IMMP2L: variants seen among roughly 807,000 people sequenced by gnomAD.
IMMP2L encodes the protein inner mitochondrial membrane peptidase subunit 2.
IMMP2L carries 18 observed loss-of-function variants against 19.3 expected under a neutral mutation model. The observed-to-expected ratio is 0.93, with a 90% confidence interval of 0.64 to 1.38. The LOEUF (loss-of-function observed/expected upper bound fraction) is 1.38. Among genes scored for constraint, IMMP2L ranks in the 40% most tolerant of loss-of-function variants. IMMP2L has a pLI of 0.00. For missense variants in IMMP2L, 233 were observed against 218.2 expected, an observed-to-expected ratio of 1.07 and a Z score of -0.43; for synonymous variants, 76 against 73.0, an observed-to-expected ratio of 1.04 and a Z score of -0.21.
intron 3 of IMMP2L, among the ~76,000 whole-genome samples, chr7:111,045,148 C>T (rs987428851): frequency 1.3e-4 from 20 of 152,152 alleles, no homozygotes; most frequent in Admixed American, 5.9e-4. Context: ...TAAGGTAAAA[C>T]AAAATTTGCG....
intron 5 of IMMP2L, among the ~76,000 whole-genome samples, chr7:110,734,076 G>C (rs1796456080): frequency 6.6e-6 from 1 of 152,172 alleles, no homozygotes; most frequent in Non-Finnish European, 1.5e-5. Context: ...ACCTAAAAAT[G>C]TGGAAGCAGC....
chr7:110,682,838 A>G (rs563220971), intron 5 of IMMP2L, among the ~76,000 whole-genome samples: 1 of 152,240 alleles, frequency 6.6e-6, no homozygotes, highest in African/African-American at 2.4e-5. Flanking sequence ...GGGAAAGAGA[A>G]GAAAGCAAGA....
intron 3 of IMMP2L, among the ~76,000 whole-genome samples, chr7:111,023,428 C>T (rs916989677): frequency 4.0e-5 from 6 of 151,786 alleles, no homozygotes; most frequent in East Asian, 3.9e-4. Flanking sequence ...GGGCTGGGAG[C>T]GGTGGCTCAT....
intron 3 of IMMP2L, among the ~76,000 whole-genome samples, chr7:111,177,261 G>T (rs1318053749): frequency 6.6e-6 from 1 of 151,932 alleles, no homozygotes; most frequent in Non-Finnish European, 1.5e-5. Flanking sequence ...TTCACTGCAG[G>T]CTTGACCTCC....
intron 3 of IMMP2L, among the ~76,000 whole-genome samples, chr7:111,285,119 C>T (rs1584453606): frequency 6.6e-6 from 1 of 151,850 alleles, no homozygotes; most frequent in Non-Finnish European, 1.5e-5. Flanking sequence ...AAAGGCCTTG[C>T]AAAGAGAGGA....
intron 3 of IMMP2L, among the ~76,000 whole-genome samples, chr7:111,048,254 A>AAAAAAAG (rs1792629327): frequency 8.3e-6 from 1 of 120,656 alleles, no homozygotes; most frequent in Non-Finnish European, 1.7e-5. Context: ...AAAAAAAAAA[A>AAAAAAAG]AAAAAAAAAA....
intron 4 of IMMP2L, among the ~76,000 whole-genome samples, chr7:110,950,862 A>ATATG (rs1817749621): frequency 6.9e-6 from 1 of 144,354 alleles, no homozygotes. Context: ...ATATATATAT[A>ATATG]TATATATATG....
At chr7:111,465,501 T>TA (rs757362734) in intron 3 of IMMP2L, among the ~76,000 whole-genome samples, 4,165 of 63,754 alleles carry the variant, frequency 0.065, 144 homozygotes, top group Middle Eastern at 0.15. Flanking sequence ...CAGGTGTCAC[T>TA]AAAAAAAAAA....
At chr7:111,337,674 T>C (rs775170108) in intron 3 of IMMP2L, among the ~76,000 whole-genome samples, 1 of 152,038 alleles carries the variant, frequency 6.6e-6, no homozygotes, top group Non-Finnish European at 1.5e-5. Flanking sequence ...CATGGGCAGA[T>C]GTATGGACAG....
At chr7:111,335,675 C>T (rs986492312) in intron 3 of IMMP2L, among the ~76,000 whole-genome samples, 3 of 152,028 alleles carry the variant, frequency 2.0e-5, no homozygotes, top group African/African-American at 7.2e-5. Context: ...TATCAAAGAA[C>T]ACAACAGGAC....
At chr7:111,297,147 T>G (rs1384585477) in intron 3 of IMMP2L, among the ~76,000 whole-genome samples, 6 of 152,014 alleles carry the variant, frequency 3.9e-5, no homozygotes, top group Non-Finnish European at 8.8e-5. Flanking sequence ...TATGGTGGTG[T>G]TTGCATGAAT....
chr7:111,174,435 C>A (rs1806808325), intron 3 of IMMP2L, among the ~76,000 whole-genome samples: 1 of 151,632 alleles, frequency 6.6e-6, no homozygotes, highest in Admixed American at 6.6e-5. Context: ...CTGCCTAGAG[C>A]CACAGTCTAT....
chr7:111,549,833 T>A (rs1443899580), intron 1 of IMMP2L, among the ~76,000 whole-genome samples: 2 of 150,866 alleles, frequency 1.3e-5, no homozygotes, highest in Non-Finnish European at 2.9e-5. Context: ...CCCAGCTACT[T>A]GGGAGGCTGA....
At chr7:110,841,575 A>C (rs1218039208) in intron 5 of IMMP2L, among the ~76,000 whole-genome samples, 2 of 152,076 alleles carry the variant, frequency 1.3e-5, no homozygotes, top group Non-Finnish European at 2.9e-5. Context: ...CAGCTTCCTC[A>C]CTTTCTTTTA....
At chr7:110,673,807 T>C (rs1197228925) in intron 5 of IMMP2L, among the ~76,000 whole-genome samples, 1 of 152,180 alleles carries the variant, frequency 6.6e-6, no homozygotes, top group East Asian at 1.9e-4. Flanking sequence ...CTCAAAGCTA[T>C]TAAACAAGTC....
intron 3 of IMMP2L, among the ~76,000 whole-genome samples, chr7:111,033,016 A>C (rs1161536691): frequency 6.6e-6 from 1 of 152,102 alleles, no homozygotes; most frequent in African/African-American, 2.4e-5. Context: ...GCTACTCAGG[A>C]GGCTGAGTCA....
intron 3 of IMMP2L, among the ~76,000 whole-genome samples, chr7:111,154,274 A>C (rs1349842245): frequency 6.6e-6 from 1 of 152,126 alleles, no homozygotes; most frequent in Non-Finnish European, 1.5e-5. Context: ...TATCTTTACT[A>C]ACTGGCTAGC....
chr7:110,739,411 G>A (rs945808252), intron 5 of IMMP2L, among the ~76,000 whole-genome samples: 11 of 152,136 alleles, frequency 7.2e-5, no homozygotes, highest in African/African-American at 2.7e-4. Context: ...AGCAGGAGTA[G>A]CTATTCTTAT....
intron 3 of IMMP2L, among the ~76,000 whole-genome samples, chr7:111,065,884 A>G (rs1586047945): frequency 1.5e-5 from 2 of 133,134 alleles, no homozygotes; most frequent in African/African-American, 5.5e-5. Flanking sequence ...CTGTTTCTCT[A>G]GAGAACCCTA....
Sources: gnomAD v4.1 joint callset for allele counts (sites outside exome capture counted in the v4.1 genomes callset) on GRCh38, gnomAD v4.1.1 for gene constraint, MANE v1.5 for transcripts, NCBI Gene and HGNC (gene_info 2026-07-23, HGNC 2026-07-21) for gene names.